The following USP5 variants were observed in gnomAD, a reference collection of about 807,000 sequenced individuals.
USP5 encodes the protein ubiquitin carboxyl-terminal hydrolase 5.
A neutral mutation model predicts 102.5 loss-of-function variants in USP5; 24 were observed. The ratio of observed to expected loss-of-function variants is 0.23; its 90% CI spans 0.17 to 0.33. USP5 has a LOEUF of 0.33. USP5 is among the 10% of genes least tolerant of loss of function. The pLI, the probability that USP5 is intolerant of heterozygous loss-of-function variation, is 1.00. For missense variants in USP5, 753 were observed against 1,122.1 expected (o/e 0.67, Z 4.70); for synonymous variants, 460 against 434.8 (o/e 1.06, Z -0.72).
chr12:6,866,404 G>A lies in USP5; in HGVS notation c.*327G>A, dbSNP rs1555130975. The A allele has an allele frequency of 3.2e-6, 1 of 316,260 alleles. No individual in the cohort carries two copies. The highest frequency in any genetic ancestry group is 6.1e-6 in the Non-Finnish European group (1 of 164,004). 19.6% of individuals were successfully genotyped at this position (316,260 alleles called of 1,614,324 possible). The stretch of plus-strand genomic sequence containing the variant: ...CCCCTGGTGTGGAGGGAGGGGTCTC[G>A]TTTGTGCGCGTGGGTGTAGCTTTGT... On this transcript the variant is annotated 3_prime_UTR_variant, in exon 20 of 20. Coordinates refer to ENST00000229268, the MANE Select transcript of USP5 (RefSeq NM_001098536.2). This position sits in a 1 kb window ranked among gnomAD's most constrained non-coding sequence, Gnocchi z 4.7.
intron 8 of USP5, among the ~76,000 whole-genome samples, chr12:6,859,185 A>G (rs1404574854): frequency 1.3e-5 from 2 of 152,238 alleles, no homozygotes; most frequent in Non-Finnish European, 2.9e-5. Context: ...TGCTCAGAAC[A>G]TGTCAACAGG....
At chr12:6,852,593 C>G (rs1329665839) in intron 1 of USP5, among the ~76,000 whole-genome samples, 1 of 152,270 alleles carries the variant, frequency 6.6e-6, no homozygotes, top group Non-Finnish European at 1.5e-5. Flanking sequence ...CGGACTACAT[C>G]CCCCAAGTGG....
intron 1 of USP5, among the ~76,000 whole-genome samples, chr12:6,854,434 C>T (rs1438428143): frequency 2.6e-5 from 4 of 152,016 alleles, no homozygotes; most frequent in East Asian, 1.9e-4. Context: ...GACCAGGGTT[C>T]GACTACCTGG....
chr12:6,858,331 C>T lies in USP5; in HGVS notation c.865-93C>T, dbSNP rs1555128785. On this transcript the variant is annotated intron_variant, in intron 7 of 19. Coordinates refer to ENST00000229268, the MANE Select transcript of USP5 (RefSeq NM_001098536.2). This position sits in a 1 kb window ranked among gnomAD's most constrained non-coding sequence, Gnocchi z 4.2. ...CTGTAATTCCACAAATTCTAGGCCA[C>T]AGTTGAGTATCATCCTAGACTCAGT... 3.7e-6 allele frequency: 5 copies of T among 1,338,664 alleles called. No homozygotes were observed. The highest frequency in any genetic ancestry group is 2.9e-5 in the African/African-American group (2 of 69,504). The allele number at this position is 1,338,664 out of a possible 1,614,324, so 82.9% of individuals were successfully genotyped here. A position where few individuals can be genotyped will look rare whatever the true frequency, so the allele number is the denominator to read the frequency against.
rs369530493 is a variant in USP5, at chr12:6,860,473, C to T, written c.1326C>T (p.His442=). ...RQQDAQEFFL[H]LINMVERNCR... The stretch of plus-strand genomic sequence containing the variant: ...AGGATGCCCAGGAGTTCTTCCTTCA[C>T]CTTATCAACATGGTGGAGGTAAGGG... Residue 442 remains histidine (H), a synonymous_variant, in exon 11 of 20, where the codon CAC becomes CAT. Transcript: ENST00000229268. The surrounding 1 kb of genome is among the most constrained non-coding windows in gnomAD (Gnocchi z 5.5). 1.9e-6 allele frequency: 3 copies of T among 1,613,922 alleles called. No homozygotes were observed. Among genetic ancestry groups the T allele is most frequent in the Non-Finnish European group, 2.5e-6 (3 of 1,180,030 alleles).
chr12:6,863,381 A>G lies in USP5; in HGVS notation c.1954+4A>G. 6.2e-7 allele frequency: 1 copy of G among 1,612,588 alleles called. No individual in the cohort carries two copies. The highest frequency in any genetic ancestry group is 8.5e-7 in the Non-Finnish European group (1 of 1,179,070). On this transcript the variant is annotated splice_donor_region_variant and intron_variant, in intron 15 of 19. Coordinates refer to ENST00000229268, the MANE Select transcript of USP5 (RefSeq NM_001098536.2). The surrounding 1 kb of genome is among the most constrained non-coding windows in gnomAD (Gnocchi z 4.7). ...CCTCACTTCTCCTCTCCGACATGTT[A>G]GTGACTCTTCTTCCTGCCTGTCTCT...
Position 6,856,773 on chromosome 12 carries a change from C to T in USP5, c.651C>T (p.Ile217=). The change falls in exon 6 of 20, where the codon ATC becomes ATT. Residue 217 remains isoleucine, a synonymous_variant. Transcript: ENST00000229268. The surrounding 1 kb of genome is among the most constrained non-coding windows in gnomAD (Gnocchi z 5.6). ...NLWLNLTDGS[I]LCGRRYFDGS... is the part of the protein sequence containing the mutation. ...GGCTCAACCTGACTGATGGCTCCAT[C>T]CTCTGTGGGCGACGCTACTTCGATG... 2 of 1,614,146 alleles carry T rather than the reference C, an allele frequency of 1.2e-6. No individual in the cohort carries two copies. The highest frequency in any genetic ancestry group is 1.7e-6 in the Non-Finnish European group (2 of 1,180,022).
rs116418094 is a variant in USP5 at position 6,863,801 on chromosome 12, G to T, written c.1955-29G>T. 5,410 of 1,530,260 alleles carry T rather than the reference G, an allele frequency of 3.5e-3. 185 individuals carry two copies. In the African/African-American group the frequency reaches 0.066, roughly 19 times the overall value. The allele number at this position is 1,530,260 out of a possible 1,614,324, so 94.8% of individuals were successfully genotyped here. A position where few individuals can be genotyped will look rare whatever the true frequency, so the allele number is the denominator to read the frequency against. ...GGAGCAAACAGTGGCCCAATCAGTC[G>T]GTCCGTGTACCCACAATTCCCATTA... On this transcript the variant is annotated intron_variant, in intron 15 of 19. Transcript: ENST00000229268. This position sits in a 1 kb window ranked among gnomAD's most constrained non-coding sequence, Gnocchi z 4.7.
intron 19 of USP5, among the ~76,000 whole-genome samples, chr12:6,865,463 A>G (rs1445657349): frequency 6.6e-6 from 1 of 152,074 alleles, no homozygotes; most frequent in Non-Finnish European, 1.5e-5. Flanking sequence ...GGATCTCACT[A>G]TGTTGCCCAG....
rs1156293487 is a variant in USP5, at chr12:6,864,947, G to C, written c.2398+72G>C. 1 of 1,558,154 alleles carries C rather than the reference G, an allele frequency of 6.4e-7. No individual in the cohort carries two copies. Among genetic ancestry groups the C allele is most frequent in the African/African-American group, 1.4e-5 (1 of 73,820 alleles). ...TCTACTACACCAGATCCCTCATTCA[G>C]GCAGCTCTGCCCTCCTCAGGAGTCA... On this transcript the variant is annotated intron_variant, in intron 18 of 19. Transcript: ENST00000229268. The surrounding 1 kb of genome is among the most constrained non-coding windows in gnomAD (Gnocchi z 4.8).
chr12:6,862,351 T>C, intron 13 of USP5, 119 bp from the exon 14 acceptor site: 4 of 870,656 alleles, frequency 4.6e-6, no homozygotes, highest in Non-Finnish European at 5.8e-6. Context: ...GAGAAGAATA[T>C]GGAGGATCTT....
rs782519546 is a variant in USP5, at chr12:6,858,450, G to A, written c.891G>A (p.Glu297=). ...CAGACAAGACGATGACTGAGTTGGA[G>A]ATAGACATGAACCAGCGGATTGGTG... ...QKTDKTMTEL[E]IDMNQRIGEW... Residue 297 remains glutamate (E), a synonymous_variant, in exon 8 of 20, where the codon GAG becomes GAA. Transcript: ENST00000229268. The surrounding 1 kb of genome is among the most constrained non-coding windows in gnomAD (Gnocchi z 4.2). 2 of 1,608,290 alleles carry A rather than the reference G, an allele frequency of 1.2e-6. No individual in the cohort carries two copies. Among genetic ancestry groups the A allele is most frequent in the South Asian group, 1.1e-5 (1 of 90,974 alleles).
rs113356469 is a variant in USP5, at chr12:6,859,203, C to A, written c.1059-267C>A. 2.9e-3 allele frequency among the ~76,000 whole-genome samples: 445 copies of A among 152,284 alleles called. 1 individual carries two copies. Among genetic ancestry groups the A allele is most frequent in the African/African-American group, 8.5e-3 (352 of 41,554 alleles). On this transcript the variant is annotated intron_variant, in intron 8 of 19. Coordinates refer to ENST00000229268, the MANE Select transcript of USP5 (RefSeq NM_001098536.2). The stretch of plus-strand genomic sequence containing the variant: ...TCAGAACATGTCAACAGGTTCTGTC[C>A]AATAGAACGTGAACTGCACTTATCC...
At chr12:6,859,619 G>T (rs1472517400) in intron 9 of USP5, 78 bp downstream of exon 9, 2 of 1,410,780 alleles carry the variant, frequency 1.4e-6, no homozygotes, top group Non-Finnish European at 2.0e-6. Context: ...CCGCCTGGGG[G>T]GCACAGCACT....
Position 6,857,473 on chromosome 12 carries a change from A to C in USP5, c.770-156A>C, listed in dbSNP as rs782507860. On this transcript the variant is annotated intron_variant, in intron 6 of 19. Coordinates refer to ENST00000229268, the MANE Select transcript of USP5 (RefSeq NM_001098536.2). ...GACCGTCAGCCCCAGAAGGGCCATG[A>C]CCGCACTCATATTACTCATATTCAA... is the stretch of plus-strand genomic sequence containing the variant. 1.1e-5 allele frequency: 7 copies of C among 611,640 alleles called. No homozygotes were observed. The South Asian group carries it at 1.4e-4, about 12-fold the overall frequency. The allele number at this position is 611,640 out of a possible 1,614,324, so 37.9% of individuals were successfully genotyped here.
In USP5 at chr12:6,856,806, G is replaced by A; in HGVS notation, c.684G>A (p.Gly228=). The change falls in exon 6 of 20, where the codon GGG becomes GGA. Residue 228 remains glycine, a synonymous_variant. Transcript: ENST00000229268. The surrounding 1 kb of genome is among the most constrained non-coding windows in gnomAD (Gnocchi z 5.6). ...GGCGACGCTACTTCGATGGCAGTGG[G>A]GGCAACAACCACGCTGTGGAGCACT... ...LCGRRYFDGS[G]GNNHAVEHYR... is the part of the protein sequence containing the mutation. The A allele has an allele frequency of 1.2e-6, 2 of 1,614,100 alleles. No homozygotes were observed. The highest frequency in any genetic ancestry group is 1.1e-5 in the South Asian group (1 of 91,076).
At position 6,855,699 on chromosome 12, in the gene USP5, G is replaced by A. The variant is rs1294501238; in HGVS notation, c.238-56G>A. ...ACTACCTCCTTCCGTCCCTCCTCCC[G>A]ACTTGTTCCTTCGCTCGTGCTCATT... is the stretch of plus-strand genomic sequence containing the variant. On this transcript the variant is annotated intron_variant, in intron 2 of 19. Coordinates refer to ENST00000229268, the MANE Select transcript of USP5 (RefSeq NM_001098536.2). The surrounding 1 kb of genome is among the most constrained non-coding windows in gnomAD (Gnocchi z 4.6). The A allele has an allele frequency of 8.0e-5, 129 of 1,610,828 alleles. No homozygotes were observed. Among genetic ancestry groups the A allele is most frequent in the South Asian group, 7.6e-4 (69 of 90,882 alleles).
Position 6,866,058 on chromosome 12 carries a change from A to G in USP5, c.2558A>G (p.Tyr853Cys). 6.2e-7 allele frequency: 1 copy of G among 1,614,048 alleles called. No homozygotes were observed. Among genetic ancestry groups the G allele is most frequent in the Non-Finnish European group, 8.5e-7 (1 of 1,180,000 alleles). ...PPKDLGYIYF[Y>C]QRVAS ...AAGGACCTGGGCTACATCTACTTCTACCAGAGAGTGGCCAGCTAAGAGCCT... is the reference window on the plus strand; with the variant it reads ...AAGGACCTGGGCTACATCTACTTCTGCCAGAGAGTGGCCAGCTAAGAGCCT... Residue 853 changes from tyrosine to cysteine, a missense_variant, in exon 20 of 20, where the codon TAC becomes TGC. Physicochemically the swap from Tyr to Cys is radical, Grantham distance 194 (BLOSUM62 -2). Around this residue, in one of 3 missense-constraint regions of USP5, gnomAD observed 33 missense variants for 75.3 expected, o/e 0.44. Coordinates refer to ENST00000229268, the MANE Select transcript of USP5 (RefSeq NM_001098536.2). This position sits in a 1 kb window ranked among gnomAD's most constrained non-coding sequence, Gnocchi z 4.7.
Position 6,860,837 on chromosome 12 carries a change from T to A in USP5, c.1345-116T>A. 1 of 1,444,064 alleles carries A rather than the reference T, an allele frequency of 6.9e-7. No individual in the cohort carries two copies. Among genetic ancestry groups the A allele is most frequent in the Non-Finnish European group, 9.5e-7 (1 of 1,055,908 alleles). 89.5% of individuals were successfully genotyped at this position (1,444,064 alleles called of 1,614,324 possible). On this transcript the variant is annotated intron_variant, in intron 11 of 19. Transcript: ENST00000229268. This position sits in a 1 kb window ranked among gnomAD's most constrained non-coding sequence, Gnocchi z 5.5. ...AGGGAAGGTTTCTGCTCTGCTCTTG[T>A]GTCCCTGAGTTCCGAGTGGTAGTCT...
Sources: allele counts gnomAD v4.1 joint callset (sites outside exome capture counted in the v4.1 genomes callset), GRCh38; gene constraint gnomAD v4.1.1; regional missense constraint gnomAD v4.1.1; non-coding constraint Gnocchi (gnomAD v3.1); transcripts MANE v1.5; gene names NCBI Gene and HGNC (gene_info 2026-07-23, HGNC 2026-07-21).